The following ACVR2B variants were observed in gnomAD, a reference collection of about 807,000 sequenced individuals.
ACVR2B encodes the protein activin receptor type-2B.
A neutral mutation model predicts 65.1 loss-of-function variants in ACVR2B; 18 were observed. The ratio of observed to expected loss-of-function variants is 0.28; its 90% CI spans 0.19 to 0.41. The LOEUF is 0.41. Ranked by LOEUF, ACVR2B falls within the 10% of genes least tolerant of loss-of-function variation. ACVR2B has a pLI of 1.00. For synonymous variants in ACVR2B, 298 were observed against 277.7 expected (o/e 1.07, Z -0.73); for missense variants, 482 against 682.7 (o/e 0.71, Z 3.28).
At position 38,468,795 on chromosome 3, in the gene ACVR2B, TG is replaced by T. The variant is rs546727138; in HGVS notation, c.53-8491del. On this transcript the variant is annotated intron_variant, in intron 1 of 10. Coordinates refer to ENST00000352511, the MANE Select transcript of ACVR2B (RefSeq NM_001106.4). ...AAATGTCATTTCTGTAGTTCTCTCC[TG>T]TTCTCTTTGTTCTTACAGGTTTATG... Among the ~76,000 whole-genome samples, 1,063 of 152,346 alleles carry T rather than the reference TG, an allele frequency of 7.0e-3. 8 individuals carry two copies. The highest frequency in any genetic ancestry group is 0.025 in the African/African-American group (1,023 of 41,576).
chr3:38,456,116 C>T (rs532251422), intron 1 of ACVR2B, among the ~76,000 whole-genome samples: 5 of 152,384 alleles, frequency 3.3e-5, no homozygotes, highest in South Asian at 4.1e-4. Context: ...AGTCACCTAG[C>T]TTGGGCAGTG....
At chr3:38,460,046 A>G (rs1187501077) in intron 1 of ACVR2B, among the ~76,000 whole-genome samples, 1 of 152,148 alleles carries the variant, frequency 6.6e-6, no homozygotes, top group African/African-American at 2.4e-5. Context: ...TGGAGGAAGC[A>G]TTTTTCAAAG....
chr3:38,472,706 C>T (rs569950152), intron 1 of ACVR2B, among the ~76,000 whole-genome samples: 83 of 152,266 alleles, frequency 5.5e-4, no homozygotes, highest in African/African-American at 1.8e-3. Context: ...ACTGGCTGGA[C>T]TGGGGACACC....
In ACVR2B at chr3:38,481,959, T is replaced by C. The variant is rs1319891080; in HGVS notation, c.1075-239T>C. Reference sequence around the variant, plus strand: ...TGTATTAATTTGGTAACAATTCCATTTTAGATTACTATTATCTCCAGGATA... The same window carrying C: ...TGTATTAATTTGGTAACAATTCCATCTTAGATTACTATTATCTCCAGGATA... On this transcript the variant is annotated intron_variant, in intron 8 of 10. Transcript: ENST00000352511. The surrounding 1 kb of genome is among the most constrained non-coding windows in gnomAD (Gnocchi z 4.7). Among the ~76,000 whole-genome samples the C allele has an allele frequency of 6.6e-6, 1 of 152,212 alleles. No homozygotes were observed. The highest frequency in any genetic ancestry group is 1.5e-5 in the Non-Finnish European group (1 of 68,046).
intron 1 of ACVR2B, among the ~76,000 whole-genome samples, chr3:38,463,294 G>A (rs960217748): frequency 8.5e-5 from 13 of 152,198 alleles, no homozygotes; most frequent in Non-Finnish European, 1.8e-4. Flanking sequence ...AGAGCTCTGG[G>A]TAACAGCACT....
Position 38,488,679 on chromosome 3 carries a change from G to A in ACVR2B, c.*5347G>A, listed in dbSNP as rs768854280. 11 of 152,104 alleles carry A rather than the reference G, an allele frequency of 7.2e-5. No individual in the cohort carries two copies. Among genetic ancestry groups the A allele is most frequent in the Non-Finnish European group, 1.6e-4 (11 of 68,008 alleles). The allele number at this position is 152,104 out of a possible 1,614,324, so 9.4% of individuals were successfully genotyped here. ...AATGAAACATGACTTTTTGATTGTG[G>A]TACTTCCTGTATCCCCTGTAGTGCC... On this transcript the variant is annotated 3_prime_UTR_variant, in exon 11 of 11. Transcript: ENST00000352511.
intron 1 of ACVR2B, among the ~76,000 whole-genome samples, chr3:38,459,946 C>T (rs987243868): frequency 1.3e-5 from 2 of 152,158 alleles, no homozygotes; most frequent in African/African-American, 2.4e-5. Context: ...GGCTAGGGAA[C>T]GCTTCTGTGG....
At chr3:38,469,512 G>GTAGGGT (rs1161278283) in intron 1 of ACVR2B, among the ~76,000 whole-genome samples, 1 of 152,194 alleles carries the variant, frequency 6.6e-6, no homozygotes, top group South Asian at 2.1e-4. Flanking sequence ...CTGAGACTGG[G>GTAGGGT]TAGGGTTGGG....
At position 38,489,357 on chromosome 3, in the gene ACVR2B, A is replaced by G. The variant is rs1204393923; in HGVS notation, c.*6025A>G. 1.3e-5 allele frequency: 2 copies of G among 152,648 alleles called. No individual in the cohort carries two copies. Among genetic ancestry groups the G allele is most frequent in the African/African-American group, 4.8e-5 (2 of 41,458 alleles). The allele number at this position is 152,648 out of a possible 1,614,324, so 9.5% of individuals were successfully genotyped here. On this transcript the variant is annotated 3_prime_UTR_variant, in exon 11 of 11. Coordinates refer to ENST00000352511, the MANE Select transcript of ACVR2B (RefSeq NM_001106.4). ...ATTTTTATAAAGTTAGTGAATTTGAATGATTTTGTAATCAGAGCTAATGAG... is the reference window on the plus strand; with the variant it reads ...ATTTTTATAAAGTTAGTGAATTTGAGTGATTTTGTAATCAGAGCTAATGAG...
chr3:38,474,049 T>C (rs1246385531), intron 1 of ACVR2B: 1 of 152,222 alleles, frequency 6.6e-6, no homozygotes, highest in Non-Finnish European at 1.5e-5. Context: ...GCCTGGCTCA[T>C]TTTTGTATTT....
intron 10 of ACVR2B, among the ~76,000 whole-genome samples, 193 bp from the exon 11 acceptor site, chr3:38,482,945 A>G (rs1276065077): frequency 6.6e-6 from 1 of 152,104 alleles, no homozygotes; most frequent in Non-Finnish European, 1.5e-5. Flanking sequence ...GCTCAGAAAG[A>G]TGACTGCCAT....
chr3:38,475,956 C>T (rs1308970292), intron 1 of ACVR2B: 2 of 152,254 alleles, frequency 1.3e-5, no homozygotes, highest in Admixed American at 6.5e-5. Context: ...TATGTGGGCC[C>T]AAAAAGTGTG....
chr3:38,459,464 TG>T, intron 1 of ACVR2B: 1 of 348,142 alleles, frequency 2.9e-6, no homozygotes, highest in Non-Finnish European at 4.0e-6. Context: ...TGCCTGTTGC[TG>T]GGGACTCTCT....
chr3:38,465,439 A>G (rs1039815134), intron 1 of ACVR2B, among the ~76,000 whole-genome samples: 13 of 151,836 alleles, frequency 8.6e-5, no homozygotes, highest in African/African-American at 3.1e-4. Flanking sequence ...CACTGTGGTC[A>G]AGGAAATGAG....
chr3:38,472,496 G>T (rs192299669), intron 1 of ACVR2B, among the ~76,000 whole-genome samples: 2 of 152,208 alleles, frequency 1.3e-5, no homozygotes, highest in African/African-American at 4.8e-5. Flanking sequence ...CAGTGTGCTG[G>T]CAGAAGCAGA....
intron 1 of ACVR2B, chr3:38,459,748 GC>G: frequency 1.1e-6 from 1 of 885,410 alleles, no homozygotes; most frequent in Non-Finnish European, 1.4e-6. Context: ...TGAGGGCAGG[GC>G]CAGGCTTCCT....
intron 1 of ACVR2B, among the ~76,000 whole-genome samples, chr3:38,461,808 C>T (rs990067897): frequency 4.6e-5 from 7 of 152,272 alleles, no homozygotes; most frequent in Middle Eastern, 3.4e-3. Context: ...GTTCCCCATC[C>T]GAGGCCCCCT....
At position 38,477,205 on chromosome 3, in the gene ACVR2B, C is replaced by T. The variant is rs1203724004; in HGVS notation, c.53-82C>T. On this transcript the variant is annotated intron_variant, in intron 1 of 10. Coordinates refer to ENST00000352511, the MANE Select transcript of ACVR2B (RefSeq NM_001106.4). The surrounding 1 kb of genome is among the most constrained non-coding windows in gnomAD (Gnocchi z 6.7). The stretch of plus-strand genomic sequence containing the variant: ...ACCCGGCCTCCCTCCCTCAGGGTGG[C>T]CTGGCACCCAGGACTGGGAGTAGGG... 4.5e-6 allele frequency: 7 copies of T among 1,544,940 alleles called. No individual in the cohort carries two copies. The highest frequency in any genetic ancestry group is 6.2e-6 in the Non-Finnish European group (7 of 1,130,136).
chr3:38,461,928 C>T (rs1339406629), intron 1 of ACVR2B, among the ~76,000 whole-genome samples: 1 of 152,116 alleles, frequency 6.6e-6, no homozygotes, highest in African/African-American at 2.4e-5. Flanking sequence ...CGTGGTGGCT[C>T]ATGCCTGTAA....
Sources: gnomAD v4.1 joint callset for allele counts (sites outside exome capture counted in the v4.1 genomes callset) on GRCh38, gnomAD v4.1.1 for gene constraint, Gnocchi (gnomAD v3.1) non-coding constraint, MANE v1.5 for transcripts, NCBI Gene and HGNC (gene_info 2026-07-23, HGNC 2026-07-21) for gene names.